MAP3K5: variants seen among roughly 807,000 people sequenced by gnomAD.
MAP3K5 encodes the protein mitogen-activated protein kinase kinase kinase 5, also known as ASK-1.
MAP3K5 carries 56 observed loss-of-function variants against 158.7 expected under a neutral mutation model. The ratio of observed to expected loss-of-function variants is 0.35; its 90% CI spans 0.28 to 0.44. The LOEUF is 0.44. Among genes scored for constraint, MAP3K5 ranks in the 20% least tolerant of loss-of-function variants. MAP3K5 has a pLI of 1.00. For missense variants in MAP3K5, 1,294 were observed against 1,674.8 expected, an observed-to-expected ratio of 0.77 and a Z score of 3.97; for synonymous variants, 579 against 601.7, an observed-to-expected ratio of 0.96 and a Z score of 0.55.
intron 7 of MAP3K5, among the ~76,000 whole-genome samples, chr6:136,688,713 T>C (rs938692909): frequency 3.3e-5 from 5 of 152,204 alleles, no homozygotes; most frequent in Admixed American, 3.3e-4. Flanking sequence ...CTCAGTCTTC[T>C]AAATTATTTT....
At chr6:136,676,595 C>T (rs932576421) in intron 7 of MAP3K5, among the ~76,000 whole-genome samples, 2 of 151,408 alleles carry the variant, frequency 1.3e-5, no homozygotes, top group African/African-American at 4.8e-5. Context: ...CTTTAATTTA[C>T]TGCTAGGGAG....
Position 136,688,232 on chromosome 6 carries a change from AC to A in MAP3K5, c.1253+5907del, listed in dbSNP as rs558534121. Among the ~76,000 whole-genome samples the A allele has an allele frequency of 2.3e-4, 35 of 152,286 alleles. 1 individual carries two copies. The East Asian group carries it at 6.8e-3, about 29-fold the overall frequency. ...GGTGTTGAACAATGAGAACACATGG[AC>A]ACAGGGAGGGGAACATCACACACTG... On this transcript the variant is annotated intron_variant, in intron 7 of 29. Coordinates refer to ENST00000359015, the MANE Select transcript of MAP3K5 (RefSeq NM_005923.4).
chr6:136,586,506 G>A (rs981349608), intron 23 of MAP3K5, among the ~76,000 whole-genome samples: 3 of 152,124 alleles, frequency 2.0e-5, no homozygotes, highest in African/African-American at 7.2e-5. Context: ...TCTGACTCCA[G>A]TCTCTCCATG....
intron 7 of MAP3K5, among the ~76,000 whole-genome samples, chr6:136,685,287 G>A (rs1402490140): frequency 6.6e-6 from 1 of 152,050 alleles, no homozygotes; most frequent in African/African-American, 2.4e-5. Context: ...CCCTGCACTT[G>A]AGCCTGGATG....
chr6:136,638,393 T>C (rs1777752059), intron 13 of MAP3K5, among the ~76,000 whole-genome samples: 1 of 152,218 alleles, frequency 6.6e-6, no homozygotes. Context: ...CTCCTGTGCC[T>C]GGTTCAAACC....
intron 25 of MAP3K5, among the ~76,000 whole-genome samples, chr6:136,569,410 C>A (rs967498714): frequency 2.6e-5 from 4 of 152,160 alleles, no homozygotes; most frequent in African/African-American, 9.7e-5. Context: ...GGGGCTTCAT[C>A]TACATAATAA....
At chr6:136,697,743 T>G (rs1361242421) in intron 4 of MAP3K5, among the ~76,000 whole-genome samples, 1 of 152,018 alleles carries the variant, frequency 6.6e-6, no homozygotes, top group African/African-American at 2.4e-5. Flanking sequence ...ATTTTTTGTT[T>G]GTTTGTTGTT....
intron 14 of MAP3K5, among the ~76,000 whole-genome samples, chr6:136,623,799 T>C (rs1284387205): frequency 1.3e-5 from 2 of 152,112 alleles, no homozygotes; most frequent in African/African-American, 2.4e-5. Flanking sequence ...GAGAGAACAT[T>C]AGAACAAGCT....
intron 7 of MAP3K5, among the ~76,000 whole-genome samples, chr6:136,689,417 C>A (rs1485094701): frequency 6.6e-6 from 1 of 152,184 alleles, no homozygotes; most frequent in Non-Finnish European, 1.5e-5. Context: ...CCTAAAGGAT[C>A]TAGGAAACTA....
At chr6:136,639,407 A>G (rs547247991) in intron 13 of MAP3K5, 136 bp downstream of exon 13, 1 of 474,322 alleles carries the variant, frequency 2.1e-6, no homozygotes, top group South Asian at 3.8e-5. Context: ...ATATAATTAT[A>G]AAATATTAGC....
chr6:136,733,848 T>G (rs1782335650), intron 1 of MAP3K5, among the ~76,000 whole-genome samples: 1 of 151,970 alleles, frequency 6.6e-6, no homozygotes, highest in African/African-American at 2.4e-5. Context: ...CTTGATGCTG[T>G]ACATTCTTTG....
At chr6:136,777,649 T>C (rs754433592) in intron 1 of MAP3K5, among the ~76,000 whole-genome samples, 6 of 152,254 alleles carry the variant, frequency 3.9e-5, no homozygotes, top group African/African-American at 1.2e-4. Flanking sequence ...CATTCATTAA[T>C]GTGACTTAGA....
intron 6 of MAP3K5, among the ~76,000 whole-genome samples, chr6:136,695,662 C>T (rs551231335): frequency 6.6e-6 from 1 of 152,256 alleles, no homozygotes; most frequent in Non-Finnish European, 1.5e-5. Flanking sequence ...ATTCATGTAA[C>T]TTTTACAATT....
chr6:136,772,105 G>T (rs1784227393), intron 1 of MAP3K5, among the ~76,000 whole-genome samples: 1 of 143,834 alleles, frequency 7.0e-6, no homozygotes, highest in Admixed American at 6.9e-5. Flanking sequence ...AAATGGGGGG[G>T]GGGGGTTTAC....
intron 1 of MAP3K5, among the ~76,000 whole-genome samples, chr6:136,776,069 G>A (rs1784392036): frequency 6.6e-6 from 1 of 152,188 alleles, no homozygotes; most frequent in Non-Finnish European, 1.5e-5. Context: ...GAAATTGTGA[G>A]GCTGTACTTT....
chr6:136,567,833 C>T lies in MAP3K5; in HGVS notation c.3559G>A (p.Ala1187Thr). ...HFSLASESDT[A>T]DQEDLDVEDD... is the part of the protein sequence containing the mutation. ...TCTACATCCAAGTCTTCTTGATCAG[C>T]AGTATCACTCTCAGATGCAAGGCTG... The change falls in exon 26 of 30, where the codon GCT (alanine) becomes ACT (threonine). Residue 1187 changes from alanine (A) to threonine (T), a missense_variant. This residue lies in a region of MAP3K5 where 199 missense variants were observed against 220.3 expected (regional missense o/e 0.90). Coordinates refer to ENST00000359015, the MANE Select transcript of MAP3K5 (RefSeq NM_005923.4). 1 of 1,614,000 alleles carries T rather than the reference C, an allele frequency of 6.2e-7. No individual in the cohort carries two copies. The highest frequency in any genetic ancestry group is 8.5e-7 in the Non-Finnish European group (1 of 1,179,922).
intron 3 of MAP3K5, among the ~76,000 whole-genome samples, chr6:136,700,552 TAATC>T (rs981814264): frequency 2.6e-5 from 4 of 152,202 alleles, no homozygotes; most frequent in African/African-American, 4.8e-5. Flanking sequence ...ATCAGGTAAT[TAATC>T]AAAGAATCTG....
intron 1 of MAP3K5, among the ~76,000 whole-genome samples, chr6:136,776,280 G>A (rs575908326): frequency 1.3e-5 from 2 of 152,262 alleles, no homozygotes; most frequent in African/African-American, 4.8e-5. Context: ...GGACATTGCT[G>A]TCACCCAGGC....
intron 1 of MAP3K5, among the ~76,000 whole-genome samples, chr6:136,740,615 T>TAAA (rs890852870): frequency 6.6e-6 from 1 of 150,734 alleles, no homozygotes; most frequent in Non-Finnish European, 1.5e-5. Flanking sequence ...ACTGAGACAA[T>TAAA]AAAAAAAAAG....
Sources: gnomAD v4.1 joint callset for allele counts (sites outside exome capture counted in the v4.1 genomes callset) on GRCh38, gnomAD v4.1.1 for gene constraint, gnomAD v4.1.1 regional missense constraint, MANE v1.5 for transcripts, NCBI Gene and HGNC (gene_info 2026-07-23, HGNC 2026-07-21) for gene names.